Variants in AAR2 observed in about 807,000 individuals in gnomAD.
AAR2 encodes AAR2 splicing factor, also known as protein AAR2 homolog.
AAR2 carries 31 observed loss-of-function variants against 26.9 expected under a neutral mutation model. The ratio of observed to expected loss-of-function variants is 1.15; its 90% confidence interval spans 0.86 to 1.55. The LOEUF is 1.55. AAR2 is among the 40% of genes most tolerant of loss of function. The pLI, the probability that AAR2 is intolerant of heterozygous loss-of-function variation, is 0.00. For synonymous variants in AAR2, 188 were observed against 196.1 expected, an observed-to-expected ratio of 0.96 and a Z score of 0.34; for missense variants, 430 against 491.3, an observed-to-expected ratio of 0.88 and a Z score of 1.18.
intron 3 of AAR2, among the ~76,000 whole-genome samples, chr20:36,248,343 T>G (rs958100802): frequency 6.6e-6 from 1 of 151,700 alleles, no homozygotes; most frequent in Non-Finnish European, 1.5e-5. Flanking sequence ...TCTTCTTTTT[T>G]TTTTTTTTTT....
At position 36,255,709 on chromosome 20, in the gene AAR2, G is replaced by C; in HGVS notation, c.1119G>C (p.Val373=). The change falls in exon 4 of 4, where the codon GTG becomes GTC. Residue 373 remains valine (V), a synonymous_variant. Coordinates refer to ENST00000320849, the MANE Select transcript of AAR2 (RefSeq NM_001271874.2). ...FAAEPEDCAP[V]VVELPEGIEM... The stretch of plus-strand genomic sequence containing the variant: ...CGGAACCTGAGGACTGTGCCCCGGT[G>C]GTGGTGGAGCTCCCTGAGGGCATCG... 2 of 1,614,126 alleles carry C rather than the reference G, an allele frequency of 1.2e-6. No homozygotes were observed. The highest frequency in any genetic ancestry group is 4.5e-5 in the East Asian group (2 of 44,874).
At position 36,240,417 on chromosome 20, in the gene AAR2, T is replaced by C; in HGVS notation, c.549T>C (p.Ile183=). Reference sequence around the variant, plus strand: ...GGCAGAATCTACCCCGCTGTGGCATTGAGTGCAAAAGCTACCAAGAGGGCC... The same window carrying C: ...GGCAGAATCTACCCCGCTGTGGCATCGAGTGCAAAAGCTACCAAGAGGGCC... ...RVGQNLPRCG[I]ECKSYQEGLA... is the part of the protein sequence containing the mutation. The change falls in exon 2 of 4, where the codon ATT becomes ATC. Residue 183 remains isoleucine (I), a synonymous_variant. Transcript: ENST00000320849. 1.2e-6 allele frequency: 2 copies of C among 1,614,154 alleles called. No homozygotes were observed. The highest frequency in any genetic ancestry group is 1.7e-6 in the Non-Finnish European group (2 of 1,180,026).
At chr20:36,254,663 T>C (rs2064805320) in intron 3 of AAR2, among the ~76,000 whole-genome samples, 1 of 152,226 alleles carries the variant, frequency 6.6e-6, no homozygotes, top group African/African-American at 2.4e-5. Flanking sequence ...ATGGCTAAAA[T>C]AATATGTATA....
At chr20:36,245,837 A>G (rs1186257278) in intron 3 of AAR2, among the ~76,000 whole-genome samples, 2 of 152,170 alleles carry the variant, frequency 1.3e-5, no homozygotes, top group East Asian at 1.9e-4. Flanking sequence ...CTTGGGCAAT[A>G]TAGTGAGACC....
At chr20:36,239,720 A>T (rs1426580092) in intron 1 of AAR2, 101 bp from the exon 2 acceptor site, 1 of 874,460 alleles carries the variant, frequency 1.1e-6, no homozygotes, top group African/African-American at 1.7e-5. Context: ...GGAAATAATT[A>T]TGTCAGGGGT....
intron 3 of AAR2, among the ~76,000 whole-genome samples, chr20:36,245,387 A>G (rs1333370330): frequency 6.6e-6 from 1 of 152,224 alleles, no homozygotes; most frequent in African/African-American, 2.4e-5. Flanking sequence ...TCTATGACAG[A>G]AAAAGTGAAA....
intron 3 of AAR2, among the ~76,000 whole-genome samples, chr20:36,249,504 C>A (rs1009844919): frequency 3.3e-5 from 5 of 152,202 alleles, no homozygotes; most frequent in Non-Finnish European, 7.3e-5. Flanking sequence ...TTTCCAACTT[C>A]CTTTGTTGCT....
In AAR2 at chr20:36,242,255, G is replaced by A. The variant is rs529041527; in HGVS notation, c.757+1630G>A. Among the ~76,000 whole-genome samples the A allele has an allele frequency of 1.0e-4, 15 of 150,268 alleles. 1 individual carries two copies. In the South Asian group the frequency reaches 2.7e-3, roughly 27 times the overall value. ...CCACCTCAACCTCTCGGGCCCAAGT[G>A]ATCCTTCTGCCTCGGCTTCCCAAAG... On this transcript the variant is annotated intron_variant, in intron 2 of 3. Coordinates refer to ENST00000320849, the MANE Select transcript of AAR2 (RefSeq NM_001271874.2).
Position 36,240,135 on chromosome 20 carries a change from G to A in AAR2, c.267G>A (p.Leu89=), listed in dbSNP as rs1224323302. ...TGCACCAGCGGGGGCTGACAGTGCT[G>A]CGCTGGAGCACACTCAGGGAAGAGG... ...LSLHQRGLTV[L]RWSTLREEVD... is the part of the protein sequence containing the mutation. The change falls in exon 2 of 4, where the codon CTG becomes CTA. Residue 89 remains leucine (L), a synonymous_variant. Transcript: ENST00000320849. 2 of 1,614,118 alleles carry A rather than the reference G, an allele frequency of 1.2e-6. No individual in the cohort carries two copies. Among genetic ancestry groups the A allele is most frequent in the Non-Finnish European group, 1.7e-6 (2 of 1,180,054 alleles).
At chr20:36,237,013 A>C (rs1482407618) in intron 1 of AAR2, among the ~76,000 whole-genome samples, 3 of 152,208 alleles carry the variant, frequency 2.0e-5, no homozygotes, top group African/African-American at 7.2e-5. Context: ...ACCTAGCCCC[A>C]GGGCAAGGAA....
chr20:36,255,767 C>T lies in AAR2; in HGVS notation c.*22C>T, dbSNP rs6060875. ...CTAACTCGGGGAGCGCTCTCAGCTG[C>T]GAGGGGCCCCTTCCCACAGGGCTGC... On this transcript the variant is annotated 3_prime_UTR_variant, in exon 4 of 4. Transcript: ENST00000320849. 3,206 of 1,613,254 alleles carry T rather than the reference C, an allele frequency of 2.0e-3. 64 individuals carry two copies. The African/African-American group carries it at 0.038, about 19-fold the overall frequency.
rs200907454 is a variant in AAR2 at position 36,239,991 on chromosome 20, C to T, written c.123C>T (p.Val41=). The stretch of plus-strand genomic sequence containing the variant: ...GGATTGACTATAACTCCTGGGAGGT[C>T]GGGCCCAAGTTCCGGGGCGTGAAGA... The part of the protein sequence containing the change: ...EFGIDYNSWE[V]GPKFRGVKMI... The change falls in exon 2 of 4, where the codon GTC becomes GTT. Residue 41 remains valine, a synonymous_variant. Coordinates refer to ENST00000320849, the MANE Select transcript of AAR2 (RefSeq NM_001271874.2). 1.9e-5 allele frequency: 31 copies of T among 1,614,196 alleles called. No individual in the cohort carries two copies. Among genetic ancestry groups the T allele is most frequent in the South Asian group, 3.3e-5 (3 of 91,082 alleles).
intron 1 of AAR2, among the ~76,000 whole-genome samples, chr20:36,238,776 T>C (rs866399903): frequency 5.0e-4 from 74 of 147,404 alleles, no homozygotes; most frequent in Middle Eastern, 3.6e-3. Context: ...AAAAAAAAAG[T>C]AAACAATTAA....
At chr20:36,241,160 C>T (rs2064677415) in intron 2 of AAR2, among the ~76,000 whole-genome samples, 1 of 152,070 alleles carries the variant, frequency 6.6e-6, no homozygotes, top group Non-Finnish European at 1.5e-5. Context: ...ACAAAATTTA[C>T]TTCAAATCTC....
intron 3 of AAR2, among the ~76,000 whole-genome samples, chr20:36,253,169 C>T (rs539848678): frequency 6.6e-6 from 1 of 151,980 alleles, no homozygotes; most frequent in East Asian, 1.9e-4. Flanking sequence ...CTCCTGCTAA[C>T]AGGAAGACAG....
intron 2 of AAR2, among the ~76,000 whole-genome samples, chr20:36,242,035 A>G (rs2064685704): frequency 6.6e-6 from 1 of 152,030 alleles, no homozygotes; most frequent in Admixed American, 6.6e-5. Flanking sequence ...GTGACAGCAA[A>G]TATGTGTCAC....
rs767054441 is a variant in AAR2 at position 36,244,683 on chromosome 20, T to G, written c.758-14T>G. The G allele has an allele frequency of 3.6e-5, 58 of 1,613,136 alleles. No homozygotes were observed. In the African/African-American group the frequency reaches 7.3e-4, roughly 20 times the overall value. ...CTCTCCCTCAGAATCACTTCTCCTCTCTGCACCTTTCAGGTGAACTCCAGT... is the reference window on the plus strand; with the variant it reads ...CTCTCCCTCAGAATCACTTCTCCTCGCTGCACCTTTCAGGTGAACTCCAGT... On this transcript the variant is annotated splice_polypyrimidine_tract_variant and intron_variant, in intron 2 of 3. Coordinates refer to ENST00000320849, the MANE Select transcript of AAR2 (RefSeq NM_001271874.2).
chr20:36,253,928 C>T (rs1051219236), intron 3 of AAR2, among the ~76,000 whole-genome samples: 2 of 152,194 alleles, frequency 1.3e-5, no homozygotes, highest in African/African-American at 4.8e-5. Context: ...ATGATTTAAA[C>T]ACACAGAGAA....
intron 3 of AAR2, among the ~76,000 whole-genome samples, chr20:36,248,036 GT>G (rs1317769633): frequency 6.6e-6 from 1 of 152,122 alleles, no homozygotes; most frequent in Non-Finnish European, 1.5e-5. Flanking sequence ...TTATACCCAT[GT>G]TTCATACCTT....
Sources: allele counts gnomAD v4.1 joint callset (sites outside exome capture counted in the v4.1 genomes callset), GRCh38; gene constraint gnomAD v4.1.1; transcripts MANE v1.5; gene names NCBI Gene and HGNC (gene_info 2026-07-23, HGNC 2026-07-21).